The following TGFA variants were observed in gnomAD, a reference collection of about 807,000 sequenced individuals.
The protein encoded by TGFA is protransforming growth factor alpha.
In TGFA, 12 loss-of-function variants were observed where a neutral mutation model predicts 21.7. The ratio of observed to expected loss-of-function variants is 0.55; its 90% confidence interval spans 0.35 to 0.90. The LOEUF is 0.90. TGFA is among the 40% of genes least tolerant of loss of function. The pLI, the probability that TGFA is intolerant of heterozygous loss-of-function variation, is 0.01. For synonymous variants in TGFA, 79 were observed against 88.1 expected (o/e 0.90, Z 0.58); for missense variants, 178 against 210.8 (o/e 0.84, Z 0.96).
intron 2 of TGFA, chr2:70,467,351 A>G (rs782063309): frequency 6.6e-6 from 1 of 152,194 alleles, no homozygotes; most frequent in African/African-American, 2.4e-5. Flanking sequence ...TCAGAGCCCT[A>G]GTACCATGAC....
intron 5 of TGFA, among the ~76,000 whole-genome samples, chr2:70,452,316 G>T (rs528955409): frequency 6.6e-6 from 1 of 152,132 alleles, no homozygotes; most frequent in Non-Finnish European, 1.5e-5. Flanking sequence ...TTGGATGAAG[G>T]ACTCTTCACC....
At chr2:70,493,140 C>T (rs2103791239) in intron 2 of TGFA, among the ~76,000 whole-genome samples, 1 of 152,268 alleles carries the variant, frequency 6.6e-6, no homozygotes, top group African/African-American at 2.4e-5. Flanking sequence ...AACCCAAATG[C>T]TCCACGTACC....
intron 1 of TGFA, among the ~76,000 whole-genome samples, chr2:70,549,743 C>T (rs1339528019): frequency 6.6e-6 from 1 of 152,176 alleles, no homozygotes; most frequent in Non-Finnish European, 1.5e-5. Context: ...ATGGAAAAGT[C>T]ATCTATTTTT....
At chr2:70,496,429 G>GAA (rs3836151) in intron 2 of TGFA, among the ~76,000 whole-genome samples, 1 of 150,916 alleles carries the variant, frequency 6.6e-6, no homozygotes, top group African/African-American at 2.4e-5. Flanking sequence ...GAGCCACAGG[G>GAA]AAAAAAAAAC....
chr2:70,546,246 G>GAT (rs1673297760), intron 1 of TGFA, among the ~76,000 whole-genome samples: 1 of 71,524 alleles, frequency 1.4e-5, no homozygotes, highest in Non-Finnish European at 3.0e-5. Context: ...TTCAGAGCAA[G>GAT]ACACTGGAAC....
chr2:70,512,228 C>T (rs1553501038), intron 2 of TGFA, among the ~76,000 whole-genome samples: 1 of 152,136 alleles, frequency 6.6e-6, no homozygotes, highest in African/African-American at 2.4e-5. Flanking sequence ...ATGTCTGGGT[C>T]TCATGGGGCA....
intron 2 of TGFA, among the ~76,000 whole-genome samples, chr2:70,472,881 C>T (rs1313119339): frequency 1.3e-5 from 2 of 152,238 alleles, no homozygotes; most frequent in African/African-American, 2.4e-5. Context: ...TTAATCATGA[C>T]GTCTGGCTTT....
At chr2:70,513,190 T>C (rs527950549) in intron 2 of TGFA, among the ~76,000 whole-genome samples, 1 of 152,300 alleles carries the variant, frequency 6.6e-6, no homozygotes, top group African/African-American at 2.4e-5. Flanking sequence ...TCTCAAATGA[T>C]ACCCAGTGCG....
At chr2:70,467,412 G>T (rs1314510320) in intron 2 of TGFA, 14 of 152,138 alleles carry the variant, frequency 9.2e-5, no homozygotes, top group Admixed American at 9.2e-4. Context: ...TCCATCCCTG[G>T]CTTTCAGACA....
chr2:70,456,144 T>G (rs540049672), intron 4 of TGFA, among the ~76,000 whole-genome samples, 195 bp downstream of exon 4: 35 of 152,244 alleles, frequency 2.3e-4, no homozygotes, highest in Non-Finnish European at 4.9e-4. Context: ...CCGCCCAGGA[T>G]GCATGAGGCT....
chr2:70,512,205 C>A (rs1292894631), intron 2 of TGFA, among the ~76,000 whole-genome samples: 1 of 152,176 alleles, frequency 6.6e-6, no homozygotes, highest in Non-Finnish European at 1.5e-5. Context: ...CTGGCCCAGC[C>A]CTCTCTGGAT....
At chr2:70,536,720 G>T (rs982399812) in intron 1 of TGFA, among the ~76,000 whole-genome samples, 1 of 152,198 alleles carries the variant, frequency 6.6e-6, no homozygotes, top group Non-Finnish European at 1.5e-5. Context: ...AAGATTTATA[G>T]CACTTACTGA....
intron 2 of TGFA, among the ~76,000 whole-genome samples, chr2:70,477,411 C>T (rs1553494656): frequency 6.6e-6 from 1 of 152,170 alleles, no homozygotes; most frequent in Non-Finnish European, 1.5e-5. Flanking sequence ...ATACTTATGT[C>T]ACTTTTTTTC....
At chr2:70,477,574 T>C (rs938623728) in intron 2 of TGFA, among the ~76,000 whole-genome samples, 19 of 152,316 alleles carry the variant, frequency 1.2e-4, no homozygotes, top group Admixed American at 9.8e-4. Flanking sequence ...CAGCCTCCCT[T>C]GCAGTTAGGT....
At chr2:70,539,322 G>C (rs995680116) in intron 1 of TGFA, among the ~76,000 whole-genome samples, 2 of 151,722 alleles carry the variant, frequency 1.3e-5, no homozygotes, top group African/African-American at 4.8e-5. Flanking sequence ...CAAAACCCCC[G>C]TAAAATGGCA....
chr2:70,528,760 G>C (rs1672719923), intron 1 of TGFA, among the ~76,000 whole-genome samples: 1 of 152,216 alleles, frequency 6.6e-6, no homozygotes, highest in Admixed American at 6.5e-5. Flanking sequence ...CTGTGACCAA[G>C]AGGGCAGAAC....
chr2:70,521,097 T>TAA (rs534574454), intron 1 of TGFA, among the ~76,000 whole-genome samples: 28 of 148,544 alleles, frequency 1.9e-4, no homozygotes, highest in Middle Eastern at 3.5e-3. Context: ...GCCAACAGCT[T>TAA]AAAAAAAAAA....
intron 1 of TGFA, among the ~76,000 whole-genome samples, chr2:70,532,397 C>G (rs1038524392): frequency 6.6e-6 from 1 of 152,154 alleles, no homozygotes; most frequent in Non-Finnish European, 1.5e-5. Context: ...TTTTGCTCTG[C>G]CCCAGTGGAG....
chr2:70,475,328 C>T (rs1394096453), intron 2 of TGFA, among the ~76,000 whole-genome samples: 1 of 152,062 alleles, frequency 6.6e-6, no homozygotes, highest in African/African-American at 2.4e-5. Context: ...CTATTTAATC[C>T]CCACAAAAAT....
Sources: allele counts gnomAD v4.1 joint callset (sites outside exome capture counted in the v4.1 genomes callset), GRCh38; gene constraint gnomAD v4.1.1; transcripts MANE v1.5; gene names NCBI Gene and HGNC (gene_info 2026-07-23, HGNC 2026-07-21).